Variants in AKAP14 observed in about 807,000 individuals in gnomAD.
AKAP14 encodes A-kinase anchor protein 14.
A neutral mutation model predicts 17.0 loss-of-function variants in AKAP14; 4 were observed. The ratio of observed to expected loss-of-function variants is 0.23; its 90% CI spans 0.12 to 0.54. The LOEUF is 0.54. AKAP14 is among the 20% of genes least tolerant of loss of function. The pLI, the probability that AKAP14 is intolerant of heterozygous loss-of-function variation, is 0.95. For missense variants in AKAP14, 129 were observed against 150.9 expected (o/e 0.85, Z 0.76); for synonymous variants, 42 against 51.3 (o/e 0.82, Z 0.77).
intron 4 of AKAP14, among the ~76,000 whole-genome samples, chrX:119,913,849 C>T (rs1207041739): frequency 9.0e-6 from 1 of 111,392 alleles, no homozygotes; most frequent in African/African-American, 3.3e-5. Flanking sequence ...CTGATGTTTG[C>T]ATTCTTCACT....
intron 4 of AKAP14, among the ~76,000 whole-genome samples, chrX:119,912,905 C>A (rs774426246): frequency 9.0e-6 from 1 of 110,880 alleles, no homozygotes; most frequent in African/African-American, 3.3e-5. Context: ...GTATTCCCAT[C>A]TCAACTCCAA....
At chrX:119,904,037 G>A (rs1017523071) in intron 4 of AKAP14, among the ~76,000 whole-genome samples, 1 of 111,289 alleles carries the variant, frequency 9.0e-6, no homozygotes, top group African/African-American at 3.3e-5. Context: ...TTGAACTCCT[G>A]GGCTCAAGCG....
At chrX:119,898,863 C>A (rs1224690155) in intron 2 of AKAP14, among the ~76,000 whole-genome samples, 1 of 103,999 alleles carries the variant, frequency 9.6e-6, no homozygotes, top group Non-Finnish European at 2.0e-5. Context: ...GGTCACTGGA[C>A]TCTAGATGAA....
rs933856313 is a variant in AKAP14, at chrX:119,900,202, C to T, written c.-10-3012C>T. Among the ~76,000 whole-genome samples, 19 of 111,976 alleles carry T rather than the reference C, an allele frequency of 1.7e-4. No individual in the cohort carries two copies. The Admixed American group carries it at 1.8e-3, about 11-fold the overall frequency. On this transcript the variant is annotated intron_variant, in intron 2 of 6. Coordinates refer to ENST00000371431, the MANE Select transcript of AKAP14 (RefSeq NM_178813.6). ...CCGCCTCCCAGATTCAAGCGATTCT[C>T]CTGCCTCAGCCTCCCGAGTAGCTGG...
intron 5 of AKAP14, among the ~76,000 whole-genome samples, chrX:119,916,876 C>T (rs1326868011): frequency 1.0e-5 from 1 of 97,737 alleles, no homozygotes; most frequent in African/African-American, 3.6e-5. Flanking sequence ...GGGAGGCTTA[C>T]GCGGGCAGAT....
Position 119,903,505 on chromosome X carries a change from C to T in AKAP14, c.180C>T (p.Asn60=). Residue 60 remains asparagine, a synonymous_variant, in exon 4 of 7, where the codon AAC becomes AAT. Transcript: ENST00000371431. The part of the protein sequence containing the change: ...YAVKIVEEER[N]PLKNIKWMTH... Reference sequence around the variant, plus strand: ...ACCTTTTTTTTGCAGAGGAGCGAAACCCTTTGAAAAACATCAAGTGGATGA... The same window carrying T: ...ACCTTTTTTTTGCAGAGGAGCGAAATCCTTTGAAAAACATCAAGTGGATGA... 1 of 1,211,722 alleles carries T rather than the reference C, an allele frequency of 8.3e-7. No individual in the cohort carries two copies. The highest frequency in any genetic ancestry group is 1.1e-6 in the Non-Finnish European group (1 of 895,533).
chrX:119,913,442 G>T (rs1255379908), intron 4 of AKAP14, among the ~76,000 whole-genome samples: 2 of 112,128 alleles, frequency 1.8e-5, no homozygotes, highest in East Asian at 5.6e-4. Flanking sequence ...CTGTGAGGGG[G>T]TCTGAAGCAA....
At chrX:119,897,442 A>G (rs761651444) in intron 2 of AKAP14, among the ~76,000 whole-genome samples, 239 of 111,956 alleles carry the variant, frequency 2.1e-3, no homozygotes, top group African/African-American at 7.2e-3. Context: ...TATAGGTGTG[A>G]GCCACTGCGC....
intron 5 of AKAP14, among the ~76,000 whole-genome samples, chrX:119,916,605 C>G (rs1368982780): frequency 9.4e-6 from 1 of 106,306 alleles, no homozygotes; most frequent in Non-Finnish European, 1.9e-5. Context: ...CATCCTCCTG[C>G]CTCAGCCCCC....
chrX:119,901,101 A>G (rs1316429558), intron 2 of AKAP14, among the ~76,000 whole-genome samples: 5 of 112,063 alleles, frequency 4.5e-5, no homozygotes, highest in Non-Finnish European at 7.5e-5. Context: ...ACAGGAACAG[A>G]CGAATGTTTT....
Position 119,906,023 on chromosome X carries a change from T to C in AKAP14, c.261+2437T>C, listed in dbSNP as rs752050901. On this transcript the variant is annotated intron_variant, in intron 4 of 6. Coordinates refer to ENST00000371431, the MANE Select transcript of AKAP14 (RefSeq NM_178813.6). ...GCTCAATAACTCTATGTTGAATACA[T>C]GAGCAGATTTATTATTGCATTACCG... 1.3e-3 allele frequency among the ~76,000 whole-genome samples: 150 copies of C among 111,326 alleles called. 2 individuals are homozygous for C. The highest frequency in any genetic ancestry group is 4.8e-3 in the African/African-American group (149 of 30,745).
chrX:119,910,090 G>A (rs2056619960), intron 4 of AKAP14, among the ~76,000 whole-genome samples: 1 of 110,446 alleles, frequency 9.1e-6, no homozygotes, highest in African/African-American at 3.3e-5. Flanking sequence ...TTAAGCCCGG[G>A]AAGGTTGAGG....
chrX:119,905,848 T>C (rs1324787447), intron 4 of AKAP14, among the ~76,000 whole-genome samples: 3 of 111,543 alleles, frequency 2.7e-5, no homozygotes, highest in Admixed American at 9.7e-5. Flanking sequence ...ACTTCTCTGA[T>C]TCATTTTTCC....
At position 119,903,208 on chromosome X, in the gene AKAP14, C is replaced by G; in HGVS notation, c.-10-6C>G. ...CAGGCACACAGTAACTTCTTTTTTT[C>G]CCCAGGAAAAAGAAAATGAGTGAGA... On this transcript the variant is annotated splice_region_variant and splice_polypyrimidine_tract_variant and intron_variant, in intron 2 of 6. Transcript: ENST00000371431. The G allele has an allele frequency of 8.3e-7, 1 of 1,203,486 alleles. No homozygotes were observed. The highest frequency in any genetic ancestry group is 1.8e-5 in the South Asian group (1 of 55,501).
chrX:119,913,729 T>A (rs1273158496), intron 4 of AKAP14, among the ~76,000 whole-genome samples: 1 of 110,481 alleles, frequency 9.1e-6, no homozygotes, highest in Non-Finnish European at 1.9e-5. Flanking sequence ...TGAGCCAAGA[T>A]CACGCCACTG....
At chrX:119,912,490 T>A (rs765671690) in intron 4 of AKAP14, among the ~76,000 whole-genome samples, 21 of 109,193 alleles carry the variant, frequency 1.9e-4, no homozygotes, top group Non-Finnish European at 4.0e-4. Flanking sequence ...AAAAATGGAT[T>A]AAGGAAGGAA....
chrX:119,901,861 T>C (rs1377948626), intron 2 of AKAP14, among the ~76,000 whole-genome samples: 2 of 107,158 alleles, frequency 1.9e-5, no homozygotes, highest in Non-Finnish European at 3.9e-5. Flanking sequence ...AATACAAAAT[T>C]AGCCGGGCGT....
intron 5 of AKAP14, among the ~76,000 whole-genome samples, chrX:119,916,739 G>T (rs2056661080): frequency 1.0e-5 from 1 of 95,431 alleles, no homozygotes; most frequent in Non-Finnish European, 2.1e-5. Flanking sequence ...GAGCTCAAGT[G>T]ATCCACCCGG....
intron 6 of AKAP14, 56 bp downstream of exon 6, chrX:119,920,019 C>T: frequency 9.0e-7 from 1 of 1,111,219 alleles, no homozygotes; most frequent in Non-Finnish European, 1.2e-6. Context: ...CATCACACTC[C>T]AGGAATCCAG....
Sources: gnomAD v4.1 joint callset for allele counts (sites outside exome capture counted in the v4.1 genomes callset) on GRCh38, gnomAD v4.1.1 for gene constraint, MANE v1.5 for transcripts, NCBI Gene and HGNC (gene_info 2026-07-23, HGNC 2026-07-21) for gene names.